ZC3H7A: variants seen among roughly 807,000 people sequenced by gnomAD.
ZC3H7A encodes zinc finger CCCH domain-containing protein 7A.
In ZC3H7A, 44 loss-of-function variants were observed where a neutral mutation model predicts 125.5. That is an observed-to-expected ratio of 0.35 (90% CI 0.28 to 0.45). The LOEUF (loss-of-function observed/expected upper bound fraction) is 0.45, where lower values mean the gene tolerates loss of function less well. Ranked by LOEUF, ZC3H7A falls within the 20% of genes least tolerant of loss-of-function variation. ZC3H7A has a pLI of 1.00. For synonymous variants in ZC3H7A, 399 were observed against 391.2 expected, an observed-to-expected ratio of 1.02 and a Z score of -0.23; for missense variants, 977 against 1,170.7, an observed-to-expected ratio of 0.83 and a Z score of 2.41.
chr16:11,784,491 G>A (rs1214226419), intron 1 of ZC3H7A, among the ~76,000 whole-genome samples: 6 of 152,090 alleles, frequency 3.9e-5, no homozygotes, highest in African/African-American at 1.2e-4. Flanking sequence ...GGCAAAGGCA[G>A]GAAGATCACT....
At chr16:11,752,179 T>C (rs997421901) in intron 22 of ZC3H7A, among the ~76,000 whole-genome samples, 2 of 152,214 alleles carry the variant, frequency 1.3e-5, no homozygotes, top group Non-Finnish European at 2.9e-5. Context: ...GTGCTGGGAT[T>C]ACAGGCGTAG....
Position 11,765,245 on chromosome 16 carries a change from T to A in ZC3H7A, c.1720-92A>T. ...CCTAGTTTCAATATCATTACAAAAT[T>A]AATATTCAATATGAAGTTTTAATAT... On this transcript the variant is annotated intron_variant, in intron 14 of 22. Transcript: ENST00000355758. This position sits in a 1 kb window ranked among gnomAD's most constrained non-coding sequence, Gnocchi z 4.8. The A allele has an allele frequency of 1.2e-6, 1 of 817,424 alleles. No individual in the cohort carries two copies. The highest frequency in any genetic ancestry group is 1.8e-6 in the Non-Finnish European group (1 of 553,900). 50.6% of individuals were successfully genotyped at this position (817,424 alleles called of 1,614,324 possible). A position where few individuals can be genotyped will look rare whatever the true frequency, so the allele number is the denominator to read the frequency against.
chr16:11,761,957 A>G lies in ZC3H7A; in HGVS notation c.2166T>C (p.Ile722=). 1 of 1,613,680 alleles carries G rather than the reference A, an allele frequency of 6.2e-7. No individual in the cohort carries two copies. Among genetic ancestry groups the G allele is most frequent in the Non-Finnish European group, 8.5e-7 (1 of 1,179,930 alleles). ...AATATTTTCTGTTTTTGTCTGGTTC[A>G]ATGACTTGACCGTTTCTCAGACACT... ...CAQCLRNGQV[I]EPDKNRKYCS... The change falls in exon 18 of 23, where the codon ATT becomes ATC. Residue 722 remains isoleucine (I), a synonymous_variant. Transcript: ENST00000355758.
intron 1 of ZC3H7A, among the ~76,000 whole-genome samples, chr16:11,785,402 T>C (rs1251310782): frequency 2.0e-5 from 3 of 150,830 alleles, no homozygotes; most frequent in African/African-American, 7.3e-5. Flanking sequence ...GCTACTCAGA[T>C]GATGGAGGCA....
chr16:11,787,135 C>A (rs1455566903), intron 1 of ZC3H7A, among the ~76,000 whole-genome samples: 1 of 145,974 alleles, frequency 6.9e-6, no homozygotes, highest in Non-Finnish European at 1.5e-5. Flanking sequence ...ATGGAGAGAC[C>A]CCATCTCTAC....
chr16:11,760,585 G>A (rs566633383), intron 19 of ZC3H7A, among the ~76,000 whole-genome samples: 7 of 152,188 alleles, frequency 4.6e-5, no homozygotes, highest in South Asian at 4.2e-4. Flanking sequence ...TCATTTACAC[G>A]GGGACTCTAC....
chr16:11,787,744 G>T (rs1391036128), intron 1 of ZC3H7A, among the ~76,000 whole-genome samples: 1 of 152,026 alleles, frequency 6.6e-6, no homozygotes, highest in Non-Finnish European at 1.5e-5. Context: ...TCAGGAGTTC[G>T]AGACCAGCCT....
chr16:11,764,586 G>C (rs2052821368), intron 15 of ZC3H7A, among the ~76,000 whole-genome samples: 1 of 152,094 alleles, frequency 6.6e-6, no homozygotes, highest in Admixed American at 6.6e-5. Flanking sequence ...GCCAGGCCTA[G>C]TGGTGGGTGT....
chr16:11,764,114 G>A (rs956316611), intron 15 of ZC3H7A, among the ~76,000 whole-genome samples: 4 of 151,882 alleles, frequency 2.6e-5, no homozygotes, highest in African/African-American at 7.2e-5. Flanking sequence ...AATTTTTATC[G>A]GAAAAAAAAT....
intron 21 of ZC3H7A, chr16:11,753,196 C>T (rs1351571116): frequency 9.9e-6 from 2 of 202,380 alleles, no homozygotes; most frequent in Non-Finnish European, 2.0e-5. Context: ...TCCAAAAGGA[C>T]GAGCAGCAGC....
intron 13 of ZC3H7A, among the ~76,000 whole-genome samples, chr16:11,766,917 A>T (rs1162185820): frequency 6.6e-6 from 1 of 152,180 alleles, no homozygotes; most frequent in East Asian, 1.9e-4. Flanking sequence ...AGTAAAAATA[A>T]TATAAAAAAT....
At chr16:11,771,765 T>C (rs1188438533) in intron 9 of ZC3H7A, among the ~76,000 whole-genome samples, 1 of 152,062 alleles carries the variant, frequency 6.6e-6, no homozygotes, top group Non-Finnish European at 1.5e-5. Flanking sequence ...ACTCCCAAAG[T>C]GCTGGGATTA....
chr16:11,771,764 G>A (rs1301898827), intron 9 of ZC3H7A, among the ~76,000 whole-genome samples: 1 of 152,108 alleles, frequency 6.6e-6, no homozygotes, highest in Non-Finnish European at 1.5e-5. Flanking sequence ...AACTCCCAAA[G>A]TGCTGGGATT....
In ZC3H7A at chr16:11,767,455, G is replaced by A. The variant is rs2052879793; in HGVS notation, c.1484C>T (p.Thr495Ile). ...ATATGGTCCTTCATAATTTGTTTTT[G>A]TTGGTCTTGGACGTATTTTTTTCCA... ...KSWKKIRPRP[T>I]KTNYEGPYYI... The change falls in exon 13 of 23, where the codon ACA becomes ATA. Residue 495 changes from threonine (T) to isoleucine (I), a missense_variant. Around this residue, in one of 3 missense-constraint regions of ZC3H7A, gnomAD observed 436 missense variants for 603.2 expected, o/e 0.72. Coordinates refer to ENST00000355758, the MANE Select transcript of ZC3H7A (RefSeq NM_014153.4). 1 of 1,604,232 alleles carries A rather than the reference G, an allele frequency of 6.2e-7. No individual in the cohort carries two copies. The highest frequency in any genetic ancestry group is 8.5e-7 in the Non-Finnish European group (1 of 1,173,528).
intron 8 of ZC3H7A, 73 bp from the exon 9 acceptor site, chr16:11,774,592 T>C (rs2053048300): frequency 7.1e-7 from 1 of 1,416,262 alleles, no homozygotes; most frequent in East Asian, 2.4e-5. Context: ...TCCCCAATAA[T>C]AGAGATACAA....
At chr16:11,768,937 A>G in intron 11 of ZC3H7A, 94 bp downstream of exon 11, 1 of 1,274,412 alleles carries the variant, frequency 7.8e-7, no homozygotes, top group Non-Finnish European at 1.1e-6. Flanking sequence ...ACAAAATTTA[A>G]GGGAGACTGT....
intron 22 of ZC3H7A, among the ~76,000 whole-genome samples, chr16:11,752,201 G>A (rs779743095): frequency 2.0e-5 from 3 of 152,138 alleles, no homozygotes; most frequent in Admixed American, 6.6e-5. Flanking sequence ...CACCATGCCC[G>A]GCTGCGTTGA....
intron 19 of ZC3H7A, 113 bp downstream of exon 19, chr16:11,761,293 T>G (rs1426912307): frequency 2.9e-5 from 29 of 1,014,628 alleles, no homozygotes; most frequent in Non-Finnish European, 3.0e-6. Flanking sequence ...TAAATAGCAT[T>G]ATTACTGACG....
intron 21 of ZC3H7A, among the ~76,000 whole-genome samples, chr16:11,754,805 T>C (rs1018039578): frequency 2.7e-5 from 4 of 147,710 alleles, no homozygotes; most frequent in South Asian, 2.1e-4. Flanking sequence ...GGCAGGAGAA[T>C]TGCTTGAACC....
Sources: allele counts gnomAD v4.1 joint callset (sites outside exome capture counted in the v4.1 genomes callset), GRCh38; gene constraint gnomAD v4.1.1; regional missense constraint gnomAD v4.1.1; non-coding constraint Gnocchi (gnomAD v3.1); transcripts MANE v1.5; gene names NCBI Gene and HGNC (gene_info 2026-07-23, HGNC 2026-07-21).